HEATR4: variants seen among roughly 807,000 people sequenced by gnomAD.
HEATR4 encodes HEAT repeat containing 4, also known as HEAT repeat-containing protein 4.
Under a neutral mutation model 108.8 loss-of-function variants are expected in HEATR4, and 95 were observed. That is an observed-to-expected ratio of 0.87 (90% CI 0.74 to 1.04). HEATR4 has a LOEUF of 1.04. Ranked by LOEUF, HEATR4 falls within the 50% of genes least tolerant of loss-of-function variation. HEATR4 has a pLI of 0.00. For missense variants in HEATR4, 1,152 were observed against 1,253.8 expected, an observed-to-expected ratio of 0.92 and a Z score of 1.23; for synonymous variants, 443 against 459.4, an observed-to-expected ratio of 0.96 and a Z score of 0.46.
chr14:73,503,454 A>G (rs978519822), intron 10 of HEATR4, among the ~76,000 whole-genome samples: 5 of 152,190 alleles, frequency 3.3e-5, no homozygotes, highest in South Asian at 2.1e-4. Context: ...TGGTCACTCT[A>G]TAAGTGCACT....
the HEATR4 span, among the ~76,000 whole-genome samples, chr14:73,606,620 T>C: frequency 0.18 from 26,963 of 152,150 alleles, 4,090 homozygotes; most frequent in African/African-American, 0.41. Context: ...ACTGCCAATA[T>C]GTCTGGCTTT....
At chr14:73,605,787 T>C in the HEATR4 span, among the ~76,000 whole-genome samples, 1 of 151,912 alleles carries the variant, frequency 6.6e-6, no homozygotes, top group Non-Finnish European at 1.5e-5. Context: ...GCCAGGCTGG[T>C]CTTGAATTCC....
the HEATR4 span, among the ~76,000 whole-genome samples, chr14:73,610,266 C>T: frequency 4.0e-5 from 6 of 149,842 alleles, no homozygotes; most frequent in South Asian, 2.1e-4. Context: ...AATGTTGCAC[C>T]GAGATTGTTT....
the HEATR4 span, among the ~76,000 whole-genome samples, chr14:73,574,610 G>A: frequency 6.6e-6 from 1 of 151,984 alleles, no homozygotes; most frequent in African/African-American, 2.4e-5. Context: ...TTATGACAGT[G>A]GGAATGGGTG....
the HEATR4 span, chr14:73,619,726 G>A: frequency 6.2e-7 from 1 of 1,614,104 alleles, no homozygotes; most frequent in Non-Finnish European, 8.5e-7. Context: ...AATATTCTAT[G>A]GAGGTGAGCC....
chr14:73,573,319 G>A, the HEATR4 span: 4 of 1,606,352 alleles, frequency 2.5e-6, no homozygotes, highest in Non-Finnish European at 3.4e-6. Context: ...GTAAGTATAT[G>A]TTTAACTTAA....
chr14:73,605,229 A>T, the HEATR4 span, among the ~76,000 whole-genome samples: 2 of 152,096 alleles, frequency 1.3e-5, no homozygotes, highest in Non-Finnish European at 1.5e-5. Flanking sequence ...GTGCTCTTTT[A>T]AAAAAAGTCC....
At chr14:73,542,521 C>T (rs1245755733) in intron 1 of HEATR4, among the ~76,000 whole-genome samples, 1 of 104,932 alleles carries the variant, frequency 9.5e-6, no homozygotes, top group African/African-American at 3.3e-5. Flanking sequence ...TCTCCTGCCT[C>T]GGCCTCCTGA....
the HEATR4 span, among the ~76,000 whole-genome samples, chr14:73,618,746 C>A: frequency 2.0e-5 from 3 of 152,100 alleles, no homozygotes; most frequent in African/African-American, 7.2e-5. Flanking sequence ...TAGGGGATGA[C>A]CCATTACTAG....
chr14:73,506,100 A>C (rs1349257236), intron 10 of HEATR4, among the ~76,000 whole-genome samples: 4 of 151,806 alleles, frequency 2.6e-5, no homozygotes, highest in African/African-American at 9.7e-5. Context: ...CATGTTGGTC[A>C]GGCTGGTCTC....
chr14:73,484,275 C>T (rs950574556), intron 17 of HEATR4, among the ~76,000 whole-genome samples: 25 of 152,032 alleles, frequency 1.6e-4, no homozygotes, highest in East Asian at 3.9e-4. Flanking sequence ...GCATCTGTTA[C>T]GACGTATAGC....
the HEATR4 span, among the ~76,000 whole-genome samples, chr14:73,615,733 CAACAAACAAACA>C: frequency 0.51 from 76,765 of 150,314 alleles, 20,334 homozygotes; most frequent in East Asian, 0.84. Flanking sequence ...AACCTTGTCT[CAACAAACAAACA>C]AACAAACAAA....
the HEATR4 span, among the ~76,000 whole-genome samples, chr14:73,586,760 G>A: frequency 2.6e-5 from 4 of 151,688 alleles, no homozygotes; most frequent in South Asian, 6.3e-4. Flanking sequence ...CCCAGAGCTG[G>A]AGTGCATTGG....
chr14:73,481,607 C>T lies in HEATR4; in HGVS notation c.2845-2765G>A, dbSNP rs144843002. Among the ~76,000 whole-genome samples, 1,305 of 151,544 alleles carry T rather than the reference C, an allele frequency of 8.6e-3. 21 individuals carry two copies. Among genetic ancestry groups the T allele is most frequent in the African/African-American group, 0.03 (1,253 of 41,306 alleles). ...TGTAATCCCAAGCACTTTGGGAGGC[C>T]GACGCGGGCGGATCACGAGGTCAGG... is the stretch of plus-strand genomic sequence containing the variant. On this transcript the variant is annotated intron_variant, in intron 17 of 17. Transcript: ENST00000553558.
the HEATR4 span, among the ~76,000 whole-genome samples, chr14:73,594,425 A>G: frequency 1.0e-5 from 1 of 98,302 alleles, no homozygotes; most frequent in Non-Finnish European, 2.0e-5. Flanking sequence ...CCTGAACTTG[A>G]TGGGATCTGT....
At chr14:73,618,395 T>C in the HEATR4 span, among the ~76,000 whole-genome samples, 1 of 146,482 alleles carries the variant, frequency 6.8e-6, no homozygotes, top group South Asian at 2.1e-4. Flanking sequence ...TCGGTGTATA[T>C]ATACCTAGGC....
upstream of HEATR4, among the ~76,000 whole-genome samples, chr14:73,560,996 C>G (rs1367671604): frequency 6.6e-6 from 1 of 151,970 alleles, no homozygotes; most frequent in Non-Finnish European, 1.5e-5. Flanking sequence ...GGAAAGAACC[C>G]AAATGTCCAT....
chr14:73,521,037 A>G lies in HEATR4; in HGVS notation c.884T>C (p.Leu295Ser). The change falls in exon 4 of 18, where the codon TTG (leucine) becomes TCG (serine). Residue 295 changes from leucine to serine, a missense_variant and splice_region_variant. Coordinates refer to ENST00000553558, the MANE Select transcript of HEATR4 (RefSeq NM_001220484.1). ...CTCTGCTTGTTGGAAGTAACTGGGC[A>G]ATCTTGGCAGGGGTGAGAAAGGAGG... ...PELLLPVYYRLPSYFQQAETV... is the reference protein window; with the variant it reads ...PELLLPVYYRSPSYFQQAETV... The G allele has an allele frequency of 6.2e-7, 1 of 1,613,030 alleles. No individual in the cohort carries two copies. Among genetic ancestry groups the G allele is most frequent in the East Asian group, 2.2e-5 (1 of 44,818 alleles).
intron 10 of HEATR4, among the ~76,000 whole-genome samples, chr14:73,504,916 C>T (rs529142999): frequency 1.3e-5 from 2 of 152,084 alleles, no homozygotes; most frequent in African/African-American, 4.8e-5. Flanking sequence ...CTGAGCCCCA[C>T]CATCTTCACC....
Sources: allele counts gnomAD v4.1 joint callset (sites outside exome capture counted in the v4.1 genomes callset), GRCh38; gene constraint gnomAD v4.1.1; transcripts MANE v1.5; gene names NCBI Gene and HGNC (gene_info 2026-07-23, HGNC 2026-07-21).